The following ZNF583 variants were observed in gnomAD, a reference collection of about 807,000 sequenced individuals.
ZNF583 encodes the protein zinc finger protein L3-5.
In ZNF583, 30 loss-of-function variants were observed where a neutral mutation model predicts 55.3. The ratio of observed to expected loss-of-function variants is 0.54; its 90% CI spans 0.41 to 0.74. ZNF583 has a LOEUF of 0.74. Ranked by LOEUF, ZNF583 falls within the 30% of genes least tolerant of loss-of-function variation. The pLI is 0.00. For synonymous variants in ZNF583, 208 were observed against 220.0 expected (o/e 0.95, Z 0.48); for missense variants, 504 against 664.7 (o/e 0.76, Z 2.66).
In ZNF583 at chr19:56,414,082, T is replaced by A. The variant is rs1319096198; in HGVS notation, c.133T>A (p.Leu45Met). 1.3e-6 allele frequency: 2 copies of A among 1,590,720 alleles called. No homozygotes were observed. Among genetic ancestry groups the A allele is most frequent in the Admixed American group, 3.5e-5 (2 of 56,598 alleles). The change falls in exon 3 of 5, where the codon TTG becomes ATG. Residue 45 changes from leucine (L) to methionine (M), a missense_variant. Coordinates refer to ENST00000333201, the MANE Select transcript of ZNF583 (RefSeq NM_152478.3). ...MLENYRSLVS[L>M]GVSVSKPDVI... is the part of the protein sequence containing the mutation. ...GGAGAACTACAGGAGCTTGGTATCA[T>A]TGGGTAAGGACATGTCCCCTTAATT...
At chr19:56,419,813 A>C (rs2042386237) in intron 4 of ZNF583, among the ~76,000 whole-genome samples, 1 of 152,192 alleles carries the variant, frequency 6.6e-6, no homozygotes, top group Admixed American at 6.5e-5. Flanking sequence ...GTTTTTAAAA[A>C]ACAGCTGTAG....
intron 4 of ZNF583, among the ~76,000 whole-genome samples, chr19:56,416,880 T>C (rs763582275): frequency 3.3e-5 from 5 of 152,072 alleles, no homozygotes; most frequent in Admixed American, 3.3e-4. Context: ...CCCAAAAGAT[T>C]GCGTGTGTCT....
chr19:56,408,024 C>G (rs191703677), intron 2 of ZNF583, among the ~76,000 whole-genome samples: 337 of 152,168 alleles, frequency 2.2e-3, no homozygotes, highest in African/African-American at 6.7e-3. Flanking sequence ...AAATAAACAC[C>G]TTGTGCCAAG....
intron 4 of ZNF583, among the ~76,000 whole-genome samples, chr19:56,419,806 T>C (rs538149265): frequency 6.6e-6 from 1 of 152,322 alleles, no homozygotes; most frequent in African/African-American, 2.4e-5. Flanking sequence ...TATTAATGTT[T>C]TTAAAAAACA....
At chr19:56,413,829 A>G (rs534365686) in intron 2 of ZNF583, 130 bp from the exon 3 acceptor site, 85 of 1,275,070 alleles carry the variant, frequency 6.7e-5, no homozygotes, top group Admixed American at 3.8e-4. Flanking sequence ...CTCAGAACCT[A>G]AGATACTGTC....
Position 56,425,987 on chromosome 19 carries a change from C to A in ZNF583, c.*1619C>A, listed in dbSNP as rs1272133028. ...ATCAATTCACATGTGACTATAGATACAAACAGAATGACGAAAGTTTAATGG... is the reference window on the plus strand; with the variant it reads ...ATCAATTCACATGTGACTATAGATAAAAACAGAATGACGAAAGTTTAATGG... On this transcript the variant is annotated 3_prime_UTR_variant, in exon 5 of 5. Transcript: ENST00000333201. 6.6e-6 allele frequency: 1 copy of A among 151,980 alleles called. No homozygotes were observed. The highest frequency in any genetic ancestry group is 1.5e-5 in the Non-Finnish European group (1 of 67,980). The allele number at this position is 151,980 out of a possible 1,614,324, so 9.4% of individuals were successfully genotyped here.
At chr19:56,413,109 C>T (rs1005376493) in intron 2 of ZNF583, among the ~76,000 whole-genome samples, 3 of 152,270 alleles carry the variant, frequency 2.0e-5, no homozygotes, top group Non-Finnish European at 2.9e-5. Flanking sequence ...TTTAAACCAT[C>T]TACAGGAGAG....
intron 2 of ZNF583, among the ~76,000 whole-genome samples, chr19:56,411,254 G>A (rs953450991): frequency 2.9e-4 from 44 of 152,002 alleles, no homozygotes; most frequent in African/African-American, 1.0e-3. Flanking sequence ...TTGTGACACT[G>A]TACTCCAGCC....
In ZNF583 at chr19:56,426,252, TATC is replaced by T. The variant is rs574588906; in HGVS notation, c.*1885_*1887del. 6 of 152,184 alleles carry T rather than the reference TATC, an allele frequency of 3.9e-5. No individual in the cohort carries two copies. The highest frequency in any genetic ancestry group is 7.3e-5 in the Non-Finnish European group (5 of 68,032). 9.4% of individuals were successfully genotyped at this position (152,184 alleles called of 1,614,324 possible). A position where few individuals can be genotyped will look rare whatever the true frequency, so the allele number is the denominator to read the frequency against. On this transcript the variant is annotated 3_prime_UTR_variant, in exon 5 of 5. Coordinates refer to ENST00000333201, the MANE Select transcript of ZNF583 (RefSeq NM_152478.3). ...GTGGTTTAACAGTTTTGGAAAAATT[TATC>T]GTGCTCTATACAACAATTCATTCCA...
intron 4 of ZNF583, among the ~76,000 whole-genome samples, chr19:56,420,581 G>A (rs2042398621): frequency 6.6e-6 from 1 of 151,992 alleles, no homozygotes; most frequent in Non-Finnish European, 1.5e-5. Context: ...TATGTATTTT[G>A]AGGCGTTATA....
chr19:56,404,246 C>A (rs574738013), upstream of ZNF583: 1 of 152,790 alleles, frequency 6.5e-6, no homozygotes. This position sits in a 1 kb window ranked among gnomAD's most constrained non-coding sequence, Gnocchi z 5.2. Context: ...TCTGCGGCCG[C>A]CCGGGGCCCT....
At chr19:56,404,278 C>T (rs1433421464), upstream of ZNF583, 1 of 152,800 alleles carries the variant, frequency 6.5e-6, no homozygotes, top group Non-Finnish European at 1.5e-5. This position sits in a 1 kb window ranked among gnomAD's most constrained non-coding sequence, Gnocchi z 5.2. Context: ...CCAGCATCCT[C>T]TGCGCCGCGC....
Position 56,407,870 on chromosome 19 carries a change from G to C in ZNF583, c.9+747G>C, listed in dbSNP as rs368022966. 7.2e-5 allele frequency among the ~76,000 whole-genome samples: 11 copies of C among 152,308 alleles called. No individual in the cohort carries two copies. The East Asian group carries it at 9.6e-4, about 13-fold the overall frequency. ...TCTATAATAATGAAAACAGTTGATAGTGTGGAATGGAGCCAGAAGAAACAT... is the reference window on the plus strand; with the variant it reads ...TCTATAATAATGAAAACAGTTGATACTGTGGAATGGAGCCAGAAGAAACAT... On this transcript the variant is annotated intron_variant, in intron 2 of 4. Coordinates refer to ENST00000333201, the MANE Select transcript of ZNF583 (RefSeq NM_152478.3).
At chr19:56,420,655 C>T (rs1242270854) in intron 4 of ZNF583, among the ~76,000 whole-genome samples, 1 of 152,100 alleles carries the variant, frequency 6.6e-6, no homozygotes, top group East Asian at 1.9e-4. Context: ...TACTATACGT[C>T]TCTATCTTTG....
rs1039761004 is a variant in ZNF583 at position 56,407,278 on chromosome 19, A to G, written c.9+155A>G. On this transcript the variant is annotated intron_variant, in intron 2 of 4. Transcript: ENST00000333201. ...TCTTGCTTTCCAGTAAAAGTCTCCA[A>G]AAGCCTAGTTATCTTTTTTTCCACA... Among the ~76,000 whole-genome samples the G allele has an allele frequency of 2.0e-5, 3 of 152,228 alleles. No homozygotes were observed. In the East Asian group the frequency reaches 5.8e-4, roughly 29 times the overall value.
intron 4 of ZNF583, among the ~76,000 whole-genome samples, chr19:56,422,294 A>G (rs751474721): frequency 2.6e-5 from 4 of 152,210 alleles, no homozygotes; most frequent in Admixed American, 6.5e-5. Flanking sequence ...AAGCAGTTTG[A>G]TACAAAACTA....
At position 56,427,217 on chromosome 19, in the gene ZNF583, T is replaced by C. The variant is rs1455552847; in HGVS notation, c.*2849T>C. 6.6e-6 allele frequency: 1 copy of C among 152,090 alleles called. No individual in the cohort carries two copies. The highest frequency in any genetic ancestry group is 1.5e-5 in the Non-Finnish European group (1 of 68,024). 9.4% of individuals were successfully genotyped at this position (152,090 alleles called of 1,614,324 possible). ...ATGTCAGTAGCCCTTGCCAAAAGCC[T>C]CCTCACTCTCCCCTCTCTTGTATAA... is the stretch of plus-strand genomic sequence containing the variant. On this transcript the variant is annotated 3_prime_UTR_variant, in exon 5 of 5. Coordinates refer to ENST00000333201, the MANE Select transcript of ZNF583 (RefSeq NM_152478.3).
At chr19:56,406,058 T>C (rs1458093051) in intron 1 of ZNF583, among the ~76,000 whole-genome samples, 2 of 152,298 alleles carry the variant, frequency 1.3e-5, no homozygotes, top group East Asian at 1.9e-4. Flanking sequence ...TGTTCAAGCA[T>C]AGCCTGCTCC....
intron 2 of ZNF583, among the ~76,000 whole-genome samples, chr19:56,409,972 T>G (rs1461994255): frequency 6.6e-6 from 1 of 152,180 alleles, no homozygotes; most frequent in Non-Finnish European, 1.5e-5. Flanking sequence ...CATCCATTAC[T>G]CATATGTAGT....
Sources: gnomAD v4.1 joint callset for allele counts (sites outside exome capture counted in the v4.1 genomes callset) on GRCh38, gnomAD v4.1.1 for gene constraint, Gnocchi (gnomAD v3.1) non-coding constraint, MANE v1.5 for transcripts, NCBI Gene and HGNC (gene_info 2026-07-23, HGNC 2026-07-21) for gene names.